Variants in GATAD2A observed in about 807,000 individuals in gnomAD.
GATAD2A encodes GATA zinc finger domain containing 2A, also known as transcriptional repressor p66-alpha.
GATAD2A carries 12 observed loss-of-function variants against 68.5 expected under a neutral mutation model. That is an observed-to-expected ratio of 0.18 (90% CI 0.11 to 0.28). The LOEUF is 0.28. Ranked by LOEUF, GATAD2A falls within the 10% of genes least tolerant of loss-of-function variation. The pLI is 1.00. For missense variants in GATAD2A, 755 were observed against 868.5 expected, an observed-to-expected ratio of 0.87 and a Z score of 1.64; for synonymous variants, 410 against 375.3, an observed-to-expected ratio of 1.09 and a Z score of -1.07.
In GATAD2A at chr19:19,507,756, T is replaced by A. The variant is rs1022101469; in HGVS notation, c.*2282T>A. The A allele has an allele frequency of 3.8e-5, 2 of 52,326 alleles. No homozygotes were observed. The highest frequency in any genetic ancestry group is 3.3e-4 in the African/African-American group (2 of 6,074). The allele number at this position is 52,326 out of a possible 1,614,324, so 3.2% of individuals were successfully genotyped here. ...AACGTACATACTGTGATGTAAACTT[T>A]TTTTTTTTCCCCCCAGGGGGCAAAA... On this transcript the variant is annotated 3_prime_UTR_variant, in exon 12 of 12. Coordinates refer to ENST00000683918, the MANE Select transcript of GATAD2A (RefSeq NM_001384528.1).
chr19:19,483,664 G>A (rs992196826), intron 2 of GATAD2A, among the ~76,000 whole-genome samples: 21 of 151,986 alleles, frequency 1.4e-4, no homozygotes, highest in South Asian at 6.2e-4. Context: ...ATCCAGCATG[G>A]AGTGCAGTGG....
intron 2 of GATAD2A, among the ~76,000 whole-genome samples, chr19:19,477,732 C>T (rs1304005229): frequency 2.6e-5 from 4 of 152,090 alleles, no homozygotes; most frequent in East Asian, 1.9e-4. Context: ...TAGGTGGAGC[C>T]CAGGATCTCT....
chr19:19,505,412 C>T lies in GATAD2A; in HGVS notation c.1843C>T (p.Arg615Ter). 1 of 1,612,258 alleles carries T rather than the reference C, an allele frequency of 6.2e-7. No homozygotes were observed. The highest frequency in any genetic ancestry group is 8.5e-7 in the Non-Finnish European group (1 of 1,179,046). Reference protein sequence around the residue: ...HKSSSAVDRQREYLLDMIPPR... With the variant: ...HKSSSAVDRQ Reference sequence around the variant, plus strand: ...GAGCTCCTCGGCCGTGGACCGCCAGCGAGAGTACCTCCTGGACATGATCCC... The same window carrying T: ...GAGCTCCTCGGCCGTGGACCGCCAGTGAGAGTACCTCCTGGACATGATCCC... Residue 615 changes from arginine (R) to a stop codon, truncating the protein, a stop_gained, in exon 12 of 12, where the codon CGA (arginine) becomes TGA (stop). Transcript: ENST00000683918. LOFTEE classifies it high-confidence loss of function.
intron 1 of GATAD2A, among the ~76,000 whole-genome samples, chr19:19,444,159 G>A (rs2055421659): frequency 6.6e-6 from 1 of 152,012 alleles, no homozygotes; most frequent in Non-Finnish European, 1.5e-5. Context: ...CAGTACCTGG[G>A]GCACATCTGA....
chr19:19,410,048 C>T (rs369731198), intron 1 of GATAD2A, among the ~76,000 whole-genome samples: 5 of 152,310 alleles, frequency 3.3e-5, no homozygotes, highest in South Asian at 2.1e-4. Context: ...GAATGTCACA[C>T]GTTTGCACCA....
rs995496221 is a variant in GATAD2A at position 19,507,545 on chromosome 19, G to C, written c.*2071G>C. 3.3e-5 allele frequency: 5 copies of C among 152,432 alleles called. No homozygotes were observed. Among genetic ancestry groups the C allele is most frequent in the African/African-American group, 1.2e-4 (5 of 41,432 alleles). 9.4% of individuals were successfully genotyped at this position (152,432 alleles called of 1,614,324 possible). A position where few individuals can be genotyped will look rare whatever the true frequency, so the allele number is the denominator to read the frequency against. ...TTGGGTCAGCTGGGTCTGACCAGGGGGCCAGATCCGAGCCGCACCTGCCGG... is the reference window on the plus strand; with the variant it reads ...TTGGGTCAGCTGGGTCTGACCAGGGCGCCAGATCCGAGCCGCACCTGCCGG... On this transcript the variant is annotated 3_prime_UTR_variant, in exon 12 of 12. Coordinates refer to ENST00000683918, the MANE Select transcript of GATAD2A (RefSeq NM_001384528.1).
chr19:19,455,023 G>A (rs552666918), intron 1 of GATAD2A, among the ~76,000 whole-genome samples: 74 of 152,280 alleles, frequency 4.9e-4, no homozygotes, highest in Admixed American at 1.2e-3. Flanking sequence ...ATATCCTTGT[G>A]TTTTGTGTCT....
At chr19:19,466,806 T>G (rs2057901320) in intron 2 of GATAD2A, among the ~76,000 whole-genome samples, 1 of 152,190 alleles carries the variant, frequency 6.6e-6, no homozygotes, top group Non-Finnish European at 1.5e-5. Flanking sequence ...CTTCTAAAGT[T>G]CCAGAAATAA....
intron 1 of GATAD2A, among the ~76,000 whole-genome samples, chr19:19,408,877 C>T (rs1252715188): frequency 6.6e-6 from 1 of 152,092 alleles, no homozygotes; most frequent in Middle Eastern, 3.2e-3. Flanking sequence ...GAAGGGGGAC[C>T]CTCTTGAAGG....
In GATAD2A at chr19:19,429,341, G is replaced by A. The variant is rs1447852317; in HGVS notation, c.-7+23322G>A. The A allele has an allele frequency of 6.8e-5, 36 of 529,134 alleles. No individual in the cohort carries two copies. In the Admixed American group the frequency reaches 2.2e-3, roughly 32 times the overall value. The allele number at this position is 529,134 out of a possible 1,614,324, so 32.8% of individuals were successfully genotyped here. A position where few individuals can be genotyped will look rare whatever the true frequency, so the allele number is the denominator to read the frequency against. Reference sequence around the variant, plus strand: ...GGGCTCTCCTGGCCATGGGAACGGTGCGTGCAAAGGTCTGGCACGGGGAGT... The same window carrying A: ...GGGCTCTCCTGGCCATGGGAACGGTACGTGCAAAGGTCTGGCACGGGGAGT... On this transcript the variant is annotated intron_variant, in intron 1 of 11. Coordinates refer to ENST00000683918, the MANE Select transcript of GATAD2A (RefSeq NM_001384528.1).
chr19:19,386,619 CCTCTCTAGGGGACCCCGT>C (rs991763681), intron 1 of GATAD2A, among the ~76,000 whole-genome samples: 1 of 151,806 alleles, frequency 6.6e-6, no homozygotes, highest in African/African-American at 2.4e-5. Context: ...AGGATCCCCA[CCTCTCTAGGGGACCCCGT>C]CTCTCTAGGG....
chr19:19,400,262 A>G (rs1207203111), intron 1 of GATAD2A, among the ~76,000 whole-genome samples: 1 of 134,172 alleles, frequency 7.5e-6, no homozygotes, highest in Admixed American at 8.5e-5. Flanking sequence ...GGACAGTGCC[A>G]GGGCCACACA....
chr19:19,416,059 A>AG lies in GATAD2A; in HGVS notation c.-7+10041dup, dbSNP rs1373297485. ...CTATAGCCTCGACCTCCTGGACTTA[A>AG]GCCATCCTCCCACCTTAGTCTCCTA... On this transcript the variant is annotated intron_variant, in intron 1 of 11. Coordinates refer to ENST00000683918, the MANE Select transcript of GATAD2A (RefSeq NM_001384528.1). 5.2e-4 allele frequency among the ~76,000 whole-genome samples: 79 copies of AG among 152,220 alleles called. 1 individual carries two copies. Among genetic ancestry groups the AG allele is most frequent in the African/African-American group, 1.7e-3 (71 of 41,512 alleles).
In GATAD2A at chr19:19,496,989, A is replaced by C. The variant is rs12609599; in HGVS notation, c.924+770A>C. On this transcript the variant is annotated intron_variant, in intron 7 of 11. Transcript: ENST00000683918. ...AGGTTCGAGTGCAGAGAAGATGGCT[A>C]GTCCTGGACTGACCCAGGCAGGTAG... Among the ~76,000 whole-genome samples, 460 of 152,350 alleles carry C rather than the reference A, an allele frequency of 3.0e-3. 21 individuals are homozygous for C. In the East Asian group the frequency reaches 0.067, roughly 22 times the overall value.
intron 1 of GATAD2A, among the ~76,000 whole-genome samples, chr19:19,415,045 A>G (rs2051428597): frequency 6.6e-6 from 1 of 150,526 alleles, no homozygotes; most frequent in Non-Finnish European, 1.5e-5. Flanking sequence ...TGAGGCTAGG[A>G]GTTTGAGATT....
chr19:19,496,571 A>T (rs1029578959), intron 7 of GATAD2A, among the ~76,000 whole-genome samples: 8 of 152,220 alleles, frequency 5.3e-5, no homozygotes, highest in African/African-American at 1.9e-4. Flanking sequence ...GGCCCAGGAG[A>T]GGCCGGTGAT....
chr19:19,465,360 A>T lies in GATAD2A; in HGVS notation c.15A>T (p.Ala5=). 1.2e-6 allele frequency: 2 copies of T among 1,613,960 alleles called. No individual in the cohort carries two copies. The highest frequency in any genetic ancestry group is 1.7e-6 in the Non-Finnish European group (2 of 1,179,796). MTEE[A]CRTRSQKRAL... is the part of the protein sequence containing the mutation. ...CCAAGTTCAGAATGACCGAAGAAGCATGCCGAACACGGAGTCAGAAACGAG... is the reference window on the plus strand; with the variant it reads ...CCAAGTTCAGAATGACCGAAGAAGCTTGCCGAACACGGAGTCAGAAACGAG... The change falls in exon 2 of 12, where the codon GCA becomes GCT. Residue 5 remains alanine (A), a synonymous_variant. Coordinates refer to ENST00000683918, the MANE Select transcript of GATAD2A (RefSeq NM_001384528.1).
Position 19,492,447 on chromosome 19 carries a change from C to T in GATAD2A, c.402+9C>T, listed in dbSNP as rs755323730. ...GCACCGAGGCCCTCATGGTGAGCCA[C>T]GTGTTGGCGCTGCCGCCGGAGCCCC... is the stretch of plus-strand genomic sequence containing the variant. On this transcript the variant is annotated intron_variant, in intron 3 of 11. Transcript: ENST00000683918. 6 of 1,613,772 alleles carry T rather than the reference C, an allele frequency of 3.7e-6. No individual in the cohort carries two copies. The highest frequency in any genetic ancestry group is 1.6e-4 in the Middle Eastern group (1 of 6,074).
chr19:19,488,999 G>C (rs1348356660), intron 2 of GATAD2A, among the ~76,000 whole-genome samples: 1 of 152,222 alleles, frequency 6.6e-6, no homozygotes, highest in Non-Finnish European at 1.5e-5. Flanking sequence ...ACTTTAGACA[G>C]TTTTTATAAT....
Sources: gnomAD v4.1 joint callset for allele counts (sites outside exome capture counted in the v4.1 genomes callset) on GRCh38, gnomAD v4.1.1 for gene constraint, MANE v1.5 for transcripts, NCBI Gene and HGNC (gene_info 2026-07-23, HGNC 2026-07-21) for gene names.